STT3B: variants seen among roughly 807,000 people sequenced by gnomAD.
STT3B encodes the protein dolichyl-diphosphooligosaccharide--protein glycosyltransferase subunit STT3B.
STT3B carries 29 observed loss-of-function variants against 96.8 expected under a neutral mutation model. The ratio of observed to expected loss-of-function variants is 0.30; its 90% CI spans 0.22 to 0.41. STT3B has a LOEUF of 0.41. STT3B is among the 10% of genes least tolerant of loss of function. The pLI is 1.00. For missense variants in STT3B, 640 were observed against 1,022.3 expected (o/e 0.63, Z 5.10); for synonymous variants, 367 against 360.0 (o/e 1.02, Z -0.22).
At chr3:31,600,198 G>A (rs1698899151) in intron 4 of STT3B, among the ~76,000 whole-genome samples, 162 bp from the exon 5 acceptor site, 1 of 152,060 alleles carries the variant, frequency 6.6e-6, no homozygotes, top group Non-Finnish European at 1.5e-5. Context: ...CAATAAAAAT[G>A]AGGAATACGT....
At chr3:31,628,472 A>G (rs995652377) in intron 13 of STT3B, among the ~76,000 whole-genome samples, 3 of 152,192 alleles carry the variant, frequency 2.0e-5, no homozygotes, top group African/African-American at 4.8e-5. Flanking sequence ...TTAGTTTTAT[A>G]AACAATGGCA....
chr3:31,536,657 G>T (rs1334426115), intron 1 of STT3B, among the ~76,000 whole-genome samples: 1 of 152,180 alleles, frequency 6.6e-6, no homozygotes. Flanking sequence ...GGTGATGTGT[G>T]ATTTATTTAT....
intron 5 of STT3B, among the ~76,000 whole-genome samples, chr3:31,610,247 T>A (rs1336800356): frequency 1.3e-5 from 2 of 152,238 alleles, no homozygotes; most frequent in Non-Finnish European, 2.9e-5. Flanking sequence ...TTTAATCATA[T>A]TTGTTTATAA....
At chr3:31,611,664 T>C (rs1699183456) in intron 5 of STT3B, among the ~76,000 whole-genome samples, 1 of 151,998 alleles carries the variant, frequency 6.6e-6, no homozygotes, top group South Asian at 2.1e-4. Context: ...ACCCAGCTAA[T>C]TTTTGTAATT....
At chr3:31,586,188 C>T (rs1301513912) in intron 3 of STT3B, among the ~76,000 whole-genome samples, 4 of 152,068 alleles carry the variant, frequency 2.6e-5, no homozygotes, top group African/African-American at 9.7e-5. Flanking sequence ...GTTTGCTTTT[C>T]CCCAATGACT....
chr3:31,627,065 G>A (rs1030997316), intron 13 of STT3B, among the ~76,000 whole-genome samples: 1 of 152,054 alleles, frequency 6.6e-6, no homozygotes, highest in African/African-American at 2.4e-5. Context: ...GCCCTTTTCT[G>A]GTATACTCAC....
chr3:31,541,069 C>CA (rs1406892387), intron 1 of STT3B, among the ~76,000 whole-genome samples: 1 of 152,190 alleles, frequency 6.6e-6, no homozygotes, highest in Non-Finnish European at 1.5e-5. Flanking sequence ...CACTCTTGTA[C>CA]AGTTATATTC....
chr3:31,590,750 A>G (rs986193673), intron 3 of STT3B, among the ~76,000 whole-genome samples: 11 of 152,170 alleles, frequency 7.2e-5, no homozygotes, highest in Non-Finnish European at 1.5e-4. Flanking sequence ...ATTTTACTGG[A>G]ACACAGCCCT....
intron 9 of STT3B, among the ~76,000 whole-genome samples, chr3:31,621,274 A>AAT (rs2125475297): frequency 6.6e-6 from 1 of 152,334 alleles, no homozygotes; most frequent in Non-Finnish European, 1.5e-5. Context: ...TAGAAGTCTA[A>AAT]ATAGTGGTTA....
chr3:31,596,982 C>T, intron 4 of STT3B, 119 bp downstream of exon 4: 1 of 742,962 alleles, frequency 1.3e-6, no homozygotes, highest in Non-Finnish European at 2.2e-6. Context: ...TCATTACTAC[C>T]ATCCTCTTTC....
Position 31,633,165 on chromosome 3 carries a change from G to T in STT3B, c.2400+18G>T, listed in dbSNP as rs753614262. The T allele has an allele frequency of 4.4e-6, 7 of 1,604,982 alleles. No individual in the cohort carries two copies. In the South Asian group the frequency reaches 7.8e-5, roughly 18 times the overall value. On this transcript the variant is annotated intron_variant, in intron 15 of 15. Coordinates refer to ENST00000295770, the MANE Select transcript of STT3B (RefSeq NM_178862.3). ...CAAAGAAGGTGGGTGCCAAGTGAAG[G>T]CATTAAAGGGTAACTTAAGGTGTGT...
At chr3:31,609,699 A>G (rs1469566156) in intron 5 of STT3B, among the ~76,000 whole-genome samples, 1 of 152,132 alleles carries the variant, frequency 6.6e-6, no homozygotes, top group Admixed American at 6.5e-5. Flanking sequence ...GGTTCAAGCA[A>G]TTCTCCTGCC....
intron 3 of STT3B, among the ~76,000 whole-genome samples, chr3:31,585,350 C>T (rs928367969): frequency 6.6e-6 from 1 of 151,992 alleles, no homozygotes; most frequent in African/African-American, 2.4e-5. Flanking sequence ...CCTGTTCCAT[C>T]AACTATAATA....
intron 5 of STT3B, among the ~76,000 whole-genome samples, chr3:31,602,020 A>T (rs1676069623): frequency 6.6e-6 from 1 of 152,080 alleles, no homozygotes; most frequent in African/African-American, 2.4e-5. Context: ...GCTACTCAGG[A>T]GGCTGAGGCT....
chr3:31,555,073 TGAAAAA>T (rs1697671119), intron 1 of STT3B, among the ~76,000 whole-genome samples: 1 of 152,140 alleles, frequency 6.6e-6, no homozygotes, highest in African/African-American at 2.4e-5. Context: ...ATAAGAATGA[TGAAAAA>T]GAAATATTCC....
intron 3 of STT3B, among the ~76,000 whole-genome samples, chr3:31,586,396 A>G (rs929298764): frequency 6.6e-6 from 1 of 152,012 alleles, no homozygotes; most frequent in Admixed American, 6.6e-5. Context: ...GAAAATTTTG[A>G]TTTTTATGGA....
At chr3:31,538,937 T>C (rs1218229766) in intron 1 of STT3B, among the ~76,000 whole-genome samples, 1 of 152,022 alleles carries the variant, frequency 6.6e-6, no homozygotes, top group Non-Finnish European at 1.5e-5. Flanking sequence ...TACTGTAGGG[T>C]TTTTTGTTTG....
At chr3:31,575,148 G>A (rs879572519) in intron 1 of STT3B, among the ~76,000 whole-genome samples, 4 of 152,084 alleles carry the variant, frequency 2.6e-5, no homozygotes, top group Non-Finnish European at 5.9e-5. Flanking sequence ...GTTAATCCCT[G>A]TTTTACAAAT....
chr3:31,602,130 A>G (rs934859742), intron 5 of STT3B, among the ~76,000 whole-genome samples: 6 of 152,104 alleles, frequency 3.9e-5, no homozygotes, highest in African/African-American at 1.4e-4. Flanking sequence ...CTCTGATTGC[A>G]TGAATGACTG....
Sources: allele counts gnomAD v4.1 joint callset (sites outside exome capture counted in the v4.1 genomes callset), GRCh38; gene constraint gnomAD v4.1.1; transcripts MANE v1.5; gene names NCBI Gene and HGNC (gene_info 2026-07-23, HGNC 2026-07-21).